Variants in IGSF21 observed in about 807,000 individuals in gnomAD.
The protein encoded by IGSF21 is immunoglobulin superfamily member 21.
IGSF21 carries 28 observed loss-of-function variants against 46.8 expected under a neutral mutation model. The observed-to-expected ratio is 0.60, with a 90% CI of 0.44 to 0.82. The LOEUF (loss-of-function observed/expected upper bound fraction) is 0.82. Among genes scored for constraint, IGSF21 ranks in the 40% least tolerant of loss-of-function variants. The pLI, the probability that IGSF21 is intolerant of heterozygous loss-of-function variation, is 0.00. For synonymous variants in IGSF21, 284 were observed against 273.6 expected, an observed-to-expected ratio of 1.04 and a Z score of -0.38; for missense variants, 624 against 665.5, an observed-to-expected ratio of 0.94 and a Z score of 0.69.
At chr1:18,232,939 G>A (rs76961563) in intron 2 of IGSF21, among the ~76,000 whole-genome samples, 2,369 of 152,288 alleles carry the variant, frequency 0.016, 63 homozygotes, top group African/African-American at 0.054. Context: ...TAAGTATGAA[G>A]GAAAAGGGAA....
intron 1 of IGSF21, among the ~76,000 whole-genome samples, chr1:18,208,480 C>G (rs1267566367): frequency 2.1e-5 from 3 of 145,930 alleles, no homozygotes; most frequent in African/African-American, 7.5e-5. Context: ...CTCCCGGGTT[C>G]ACGCCATTCT....
intron 1 of IGSF21, among the ~76,000 whole-genome samples, chr1:18,149,411 G>A (rs555640087): frequency 1.3e-5 from 2 of 152,354 alleles, no homozygotes; most frequent in South Asian, 2.1e-4. Flanking sequence ...GCACGGTTCA[G>A]AGGCTCAGAC....
chr1:18,358,952 A>G (rs1459445646), intron 4 of IGSF21, among the ~76,000 whole-genome samples: 2 of 152,148 alleles, frequency 1.3e-5, no homozygotes. Flanking sequence ...ATGTGCCATC[A>G]CATTTACTCT....
intron 3 of IGSF21, among the ~76,000 whole-genome samples, chr1:18,312,962 A>T (rs2085503192): frequency 6.6e-6 from 1 of 152,116 alleles, no homozygotes. Context: ...CTGTGTCTCT[A>T]GTTCCCTCTT....
At chr1:18,275,895 C>T (rs968343316) in intron 2 of IGSF21, among the ~76,000 whole-genome samples, 3 of 152,158 alleles carry the variant, frequency 2.0e-5, no homozygotes, top group African/African-American at 4.8e-5. Context: ...CACTCCTTTG[C>T]CCCCTTCCCT....
intron 1 of IGSF21, among the ~76,000 whole-genome samples, chr1:18,192,050 C>G (rs879549401): frequency 6.6e-6 from 1 of 152,226 alleles, no homozygotes; most frequent in Non-Finnish European, 1.5e-5. Flanking sequence ...GTCTCCCCCA[C>G]CAGGCTTCAG....
At chr1:18,291,212 C>A (rs1030695823) in intron 2 of IGSF21, among the ~76,000 whole-genome samples, 2 of 152,118 alleles carry the variant, frequency 1.3e-5, no homozygotes, top group African/African-American at 2.4e-5. Context: ...GCGCTGGCTT[C>A]ATCGCCACCT....
chr1:18,136,939 GT>G (rs1253447422), intron 1 of IGSF21, among the ~76,000 whole-genome samples: 10 of 152,176 alleles, frequency 6.6e-5, no homozygotes. Flanking sequence ...TCACTGAGCA[GT>G]GGTTTGTAGT....
intron 4 of IGSF21, among the ~76,000 whole-genome samples, chr1:18,348,896 G>A (rs537889069): frequency 6.6e-6 from 1 of 152,280 alleles, no homozygotes; most frequent in East Asian, 1.9e-4. Context: ...CATATGAGAA[G>A]CTCATGTGCT....
At chr1:18,323,565 G>A (rs143826274) in intron 3 of IGSF21, among the ~76,000 whole-genome samples, 105 of 152,272 alleles carry the variant, frequency 6.9e-4, no homozygotes, top group African/African-American at 1.5e-3. Context: ...GGCCGCCAAC[G>A]ATCAGGCCAA....
At chr1:18,208,081 C>T (rs969528211) in intron 1 of IGSF21, among the ~76,000 whole-genome samples, 6 of 151,970 alleles carry the variant, frequency 3.9e-5, no homozygotes, top group African/African-American at 1.2e-4. Context: ...ATATCATTGG[C>T]CAACAGGGGA....
Position 18,351,051 on chromosome 1 carries a change from C to G in IGSF21, c.425-11064C>G, listed in dbSNP as rs561179554. ...CACGTGGGCCCTTCGACACCTTGTT[C>G]TGCACCTCTAACTGTCTGGATGAGG... On this transcript the variant is annotated intron_variant, in intron 4 of 9. Coordinates refer to ENST00000251296, the MANE Select transcript of IGSF21 (RefSeq NM_032880.5). Among the ~76,000 whole-genome samples the G allele has an allele frequency of 3.3e-4, 50 of 152,254 alleles. 1 individual carries two copies. The East Asian group carries it at 4.6e-3, about 14-fold the overall frequency.
chr1:18,357,368 T>G (rs1181633781), intron 4 of IGSF21, among the ~76,000 whole-genome samples: 1 of 139,166 alleles, frequency 7.2e-6, no homozygotes, highest in East Asian at 2.2e-4. Flanking sequence ...GGGATATGGA[T>G]GAATTGGGGA....
At position 18,334,829 on chromosome 1, in the gene IGSF21, T is replaced by C; in HGVS notation, c.306-63T>C. The C allele has an allele frequency of 7.9e-7, 1 of 1,258,360 alleles. No individual in the cohort carries two copies. The highest frequency in any genetic ancestry group is 1.2e-6 in the Non-Finnish European group (1 of 860,306). The allele number at this position is 1,258,360 out of a possible 1,614,324, so 77.9% of individuals were successfully genotyped here. A position where few individuals can be genotyped will look rare whatever the true frequency, so the allele number is the denominator to read the frequency against. On this transcript the variant is annotated intron_variant, in intron 3 of 9. Coordinates refer to ENST00000251296, the MANE Select transcript of IGSF21 (RefSeq NM_032880.5). This position sits in a 1 kb window ranked among gnomAD's most constrained non-coding sequence, Gnocchi z 4.3. ...CCAGTGGGCATCAGGATGAGTTTCCTTGAACGCTGCCTCACCCAGCCCCAC... is the reference window on the plus strand; with the variant it reads ...CCAGTGGGCATCAGGATGAGTTTCCCTGAACGCTGCCTCACCCAGCCCCAC...
At chr1:18,219,672 T>C (rs2124498545) in intron 1 of IGSF21, among the ~76,000 whole-genome samples, 1 of 152,308 alleles carries the variant, frequency 6.6e-6, no homozygotes, top group South Asian at 2.1e-4. Flanking sequence ...CTGAGCTCCC[T>C]GATTGGCAAA....
intron 2 of IGSF21, among the ~76,000 whole-genome samples, chr1:18,246,740 G>A (rs2084787995): frequency 6.6e-6 from 1 of 152,204 alleles, no homozygotes; most frequent in African/African-American, 2.4e-5. Flanking sequence ...GCACCAAAGA[G>A]CTGCCCTGTC....
At chr1:18,201,028 G>GTT (rs2087068200) in intron 1 of IGSF21, among the ~76,000 whole-genome samples, 1 of 152,186 alleles carries the variant, frequency 6.6e-6, no homozygotes, top group Non-Finnish European at 1.5e-5. Context: ...TGGAAGCAAA[G>GTT]ATAGTGTCCC....
At chr1:18,368,590 C>A (rs1281476502) in intron 6 of IGSF21, among the ~76,000 whole-genome samples, 2 of 151,778 alleles carry the variant, frequency 1.3e-5, no homozygotes, top group Non-Finnish European at 2.9e-5. Context: ...GTGCTGGGAT[C>A]TTCCCAACCC....
At chr1:18,265,934 T>C (rs973016275) in intron 2 of IGSF21, among the ~76,000 whole-genome samples, 3 of 152,126 alleles carry the variant, frequency 2.0e-5, no homozygotes, top group Non-Finnish European at 4.4e-5. Flanking sequence ...GCCATAGAGA[T>C]TAAGAGCTTG....
Sources: gnomAD v4.1 joint callset for allele counts (sites outside exome capture counted in the v4.1 genomes callset) on GRCh38, gnomAD v4.1.1 for gene constraint, Gnocchi (gnomAD v3.1) non-coding constraint, MANE v1.5 for transcripts, NCBI Gene and HGNC (gene_info 2026-07-23, HGNC 2026-07-21) for gene names.